The following ANAPC16 variants were observed in gnomAD, a reference collection of about 807,000 sequenced individuals.
ANAPC16 encodes the protein anaphase promoting complex subunit 16.
ANAPC16 carries 6 observed loss-of-function variants against 13.1 expected under a neutral mutation model. The observed-to-expected ratio is 0.46, with a 90% CI of 0.25 to 0.90. The LOEUF (loss-of-function observed/expected upper bound fraction) is 0.90. Ranked by LOEUF, ANAPC16 falls within the 40% of genes least tolerant of loss-of-function variation. ANAPC16 has a pLI of 0.18. For synonymous variants in ANAPC16, 55 were observed against 51.3 expected, an observed-to-expected ratio of 1.07 and a Z score of -0.31; for missense variants, 113 against 131.1, an observed-to-expected ratio of 0.86 and a Z score of 0.67.
chr10:72,230,686 G>C (rs1338075167), intron 3 of ANAPC16, among the ~76,000 whole-genome samples: 1 of 152,164 alleles, frequency 6.6e-6, no homozygotes, highest in Non-Finnish European at 1.5e-5. Flanking sequence ...CTTGAGGTCA[G>C]GAGTTTGAGA....
At chr10:72,223,731 C>T in intron 1 of ANAPC16, 157 bp from the exon 2 acceptor site, 1 of 517,738 alleles carries the variant, frequency 1.9e-6, no homozygotes, top group Non-Finnish European at 3.2e-6. Context: ...ATATTTTGGC[C>T]TGAGACATCA....
In ANAPC16 at chr10:72,221,010, G is replaced by T. The variant is rs370218925; in HGVS notation, c.-27-2878G>T. 3.8e-4 allele frequency among the ~76,000 whole-genome samples: 58 copies of T among 152,104 alleles called. 1 individual carries two copies. The East Asian group carries it at 9.5e-3, about 25-fold the overall frequency. ...CGGCTCACTGCAACCTCCACCTCCC[G>T]AGTTCAAGCTATTCTCCTGCCTCAG... On this transcript the variant is annotated intron_variant, in intron 1 of 3. Transcript: ENST00000299381.
chr10:72,223,545 G>A (rs748665094), intron 1 of ANAPC16: 5 of 168,630 alleles, frequency 3.0e-5, no homozygotes, highest in Middle Eastern at 2.8e-3. Context: ...TTTTATCCTC[G>A]TATAACTTAT....
intron 1 of ANAPC16, chr10:72,216,729 ATGTT>A: frequency 4.6e-6 from 2 of 430,526 alleles, no homozygotes; most frequent in Non-Finnish European, 9.4e-6. Flanking sequence ...CATGAAGTAA[ATGTT>A]TAAGCATCTT....
At chr10:72,223,805 G>C (rs1860029040) in intron 1 of ANAPC16, 83 bp from the exon 2 acceptor site, 3 of 1,134,812 alleles carry the variant, frequency 2.6e-6, no homozygotes, top group Non-Finnish European at 3.7e-6. Flanking sequence ...AAAACTGTAT[G>C]CTGGCCCTTA....
intron 2 of ANAPC16, among the ~76,000 whole-genome samples, chr10:72,224,987 A>T (rs1333259123): frequency 1.3e-5 from 2 of 152,162 alleles, no homozygotes; most frequent in Non-Finnish European, 2.9e-5. Flanking sequence ...GAGGTTACTT[A>T]AAATGCACAT....
intron 3 of ANAPC16, 22 bp downstream of exon 3, chr10:72,230,462 A>T (rs1351718321): frequency 1.2e-6 from 2 of 1,603,954 alleles, no homozygotes; most frequent in East Asian, 2.2e-5. Flanking sequence ...AGTGTTGCGT[A>T]CTTGACTGTG....
At position 72,229,211 on chromosome 10, in the gene ANAPC16, C is replaced by G. The variant is rs1248309577; in HGVS notation, c.143-1155C>G. On this transcript the variant is annotated intron_variant, in intron 2 of 3. Coordinates refer to ENST00000299381, the MANE Select transcript of ANAPC16 (RefSeq NM_173473.4). ...GTATACATCCCAATAATTATACTTT[C>G]ATTTTTTTCTTTTTCTCTTTTTTTT... Among the ~76,000 whole-genome samples the G allele has an allele frequency of 2.0e-5, 3 of 146,720 alleles. No individual in the cohort carries two copies. In the East Asian group the frequency reaches 6.0e-4, roughly 29 times the overall value.
intron 1 of ANAPC16, among the ~76,000 whole-genome samples, chr10:72,222,483 AAAAAG>A (rs897815282): frequency 2.6e-5 from 4 of 151,510 alleles, no homozygotes; most frequent in Non-Finnish European, 5.9e-5. Flanking sequence ...AAAAAAAAAA[AAAAAG>A]GAAAGAGGCC....
intron 2 of ANAPC16, among the ~76,000 whole-genome samples, chr10:72,229,675 A>G (rs1021257275): frequency 2.6e-5 from 4 of 152,190 alleles, no homozygotes; most frequent in African/African-American, 9.6e-5. Context: ...AATAACATGA[A>G]CTAGCTTATG....
rs1860258222 is a variant in ANAPC16 at position 72,230,370 on chromosome 10, C to G, written c.147C>G (p.Gly49=). ...PKGAGEMLED[G]SERFLCESVF... ...CTTTTCTCCTTTTGTTTGTAGATGG[C>G]TCTGAGAGATTCCTCTGCGAATCTG... Residue 49 remains glycine, a synonymous_variant, in exon 3 of 4, where the codon GGC becomes GGG. Coordinates refer to ENST00000299381, the MANE Select transcript of ANAPC16 (RefSeq NM_173473.4). 6 of 1,613,682 alleles carry G rather than the reference C, an allele frequency of 3.7e-6. No individual in the cohort carries two copies. The South Asian group carries it at 6.6e-5, about 18-fold the overall frequency.
chr10:72,230,892 C>A (rs1027157950), intron 3 of ANAPC16, among the ~76,000 whole-genome samples: 18 of 151,926 alleles, frequency 1.2e-4, no homozygotes, highest in African/African-American at 4.3e-4. Context: ...GTCTGAAAAA[C>A]AAAAAAAGTT....
intron 2 of ANAPC16, among the ~76,000 whole-genome samples, chr10:72,227,010 A>G (rs1462739760): frequency 6.6e-6 from 1 of 152,236 alleles, no homozygotes; most frequent in African/African-American, 2.4e-5. Flanking sequence ...TGCTAAAACT[A>G]TATTATGACT....
At position 72,234,654 on chromosome 10, in the gene ANAPC16, A is replaced by G. The variant is rs1284046244; in HGVS notation, c.*1538A>G. 6.6e-6 allele frequency: 1 copy of G among 152,220 alleles called. No homozygotes were observed. Among genetic ancestry groups the G allele is most frequent in the Non-Finnish European group, 1.5e-5 (1 of 68,042 alleles). The allele number at this position is 152,220 out of a possible 1,614,324, so 9.4% of individuals were successfully genotyped here. A position where few individuals can be genotyped will look rare whatever the true frequency, so the allele number is the denominator to read the frequency against. Reference sequence around the variant, plus strand: ...CTTAATTATAAGTAAATATAATCCCAGTAGCATTTAGCCTTAATCTCAAGA... The same window carrying G: ...CTTAATTATAAGTAAATATAATCCCGGTAGCATTTAGCCTTAATCTCAAGA... On this transcript the variant is annotated 3_prime_UTR_variant, in exon 4 of 4. Transcript: ENST00000299381.
At chr10:72,216,519 G>A (rs1490002709) in intron 1 of ANAPC16, among the ~76,000 whole-genome samples, 1 of 132,392 alleles carries the variant, frequency 7.6e-6, no homozygotes, top group Admixed American at 9.1e-5. Context: ...CATCTATTTG[G>A]TTTGGGTTGT....
At chr10:72,216,461 C>G (rs1859350162) in intron 1 of ANAPC16, 1 of 45,864 alleles carries the variant, frequency 2.2e-5, no homozygotes, top group Non-Finnish European at 5.1e-5. Flanking sequence ...TTCTCCACGC[C>G]CACCCCCGCC....
In ANAPC16 at chr10:72,229,228, C is replaced by CTT. The variant is rs201528335; in HGVS notation, c.143-1123_143-1122dup. ...TATACTTTCATTTTTTTCTTTTTCT[C>CTT]TTTTTTTTTTTTTTTTGATCACTTT... On this transcript the variant is annotated intron_variant, in intron 2 of 3. Transcript: ENST00000299381. Among the ~76,000 whole-genome samples the CTT allele has an allele frequency of 3.9e-3, 479 of 122,898 alleles. 3 individuals are homozygous for CTT. Among genetic ancestry groups the CTT allele is most frequent in the African/African-American group, 0.012 (417 of 34,146 alleles). 80.6% of individuals were successfully genotyped at this position (122,898 alleles called of 152,430 possible). A position where few individuals can be genotyped will look rare whatever the true frequency, so the allele number is the denominator to read the frequency against.
chr10:72,228,856 A>C (rs1432950589), intron 2 of ANAPC16, among the ~76,000 whole-genome samples: 1 of 152,228 alleles, frequency 6.6e-6, no homozygotes, highest in Non-Finnish European at 1.5e-5. Flanking sequence ...CAAATATCAC[A>C]ACTTAACTAT....
chr10:72,216,823 G>A (rs943310960), intron 1 of ANAPC16: 1 of 455,956 alleles, frequency 2.2e-6, no homozygotes, highest in African/African-American at 2.0e-5. Context: ...CAACTTACCT[G>A]ACAGGGCCAA....
Sources: allele counts gnomAD v4.1 joint callset (sites outside exome capture counted in the v4.1 genomes callset), GRCh38; gene constraint gnomAD v4.1.1; transcripts MANE v1.5; gene names NCBI Gene and HGNC (gene_info 2026-07-23, HGNC 2026-07-21).